The following KIAA1217 variants were observed in gnomAD, a reference collection of about 807,000 sequenced individuals.
KIAA1217 encodes KIAA1217.
A neutral mutation model predicts 163.9 loss-of-function variants in KIAA1217; 88 were observed. The observed-to-expected ratio is 0.54, with a 90% CI of 0.45 to 0.64. KIAA1217 has a LOEUF of 0.64. Ranked by LOEUF, KIAA1217 falls within the 30% of genes least tolerant of loss-of-function variation. The pLI, the probability that KIAA1217 is intolerant of heterozygous loss-of-function variation, is 0.00. For missense variants in KIAA1217, 2,372 were observed against 2,475.0 expected (o/e 0.96, Z 0.88); for synonymous variants, 903 against 923.1 (o/e 0.98, Z 0.39).
chr10:24,133,203 G>C (rs144525652), intron 2 of KIAA1217, among the ~76,000 whole-genome samples: 1 of 152,228 alleles, frequency 6.6e-6, no homozygotes, highest in Non-Finnish European at 1.5e-5. Context: ...GAGAATCTCT[G>C]AGGAACCCGC....
intron 2 of KIAA1217, among the ~76,000 whole-genome samples, chr10:24,018,179 TCACCAAA>T (rs1381310020): frequency 4.6e-5 from 7 of 151,476 alleles, no homozygotes; most frequent in Non-Finnish European, 1.0e-4. Flanking sequence ...AAACAAAAAG[TCACCAAA>T]CACAAAAAAG....
chr10:23,797,634 G>A (rs759487451), intron 1 of KIAA1217, among the ~76,000 whole-genome samples: 53 of 152,038 alleles, frequency 3.5e-4, no homozygotes, highest in Non-Finnish European at 4.3e-4. Flanking sequence ...GTTTTCACAG[G>A]GCAACAGGAG....
intron 1 of KIAA1217, among the ~76,000 whole-genome samples, chr10:23,790,552 CATATGTACATATGT>C (rs1835846545): frequency 2.9e-5 from 3 of 102,062 alleles, no homozygotes; most frequent in African/African-American, 1.7e-4. Flanking sequence ...TGCATATATA[CATATGTACATATGT>C]ATATATACAT....
rs184415872 is a variant in KIAA1217 at position 23,995,488 on chromosome 10, G to A, written c.-320-11737G>A. Among the ~76,000 whole-genome samples, 9 of 151,718 alleles carry A rather than the reference G, an allele frequency of 5.9e-5. No homozygotes were observed. The East Asian group carries it at 1.6e-3, about 26-fold the overall frequency. The stretch of plus-strand genomic sequence containing the variant: ...TGTGTGTGTGTGTGTGTGTGAGTGT[G>A]TGTGTTGTGTCTATATATAACGAAA... On this transcript the variant is annotated intron_variant, in intron 1 of 18. Coordinates refer to the KIAA1217 transcript ENST00000376462.
intron 1 of KIAA1217, among the ~76,000 whole-genome samples, chr10:23,775,884 A>G (rs1834988683): frequency 6.6e-6 from 1 of 152,088 alleles, no homozygotes; most frequent in Non-Finnish European, 1.5e-5. Flanking sequence ...TTTCTATTTT[A>G]TACATTCTTA....
intron 2 of KIAA1217, among the ~76,000 whole-genome samples, chr10:24,101,447 A>G (rs541435522): frequency 1.6e-3 from 251 of 152,300 alleles, no homozygotes; most frequent in Non-Finnish European, 3.0e-3. Context: ...ACCAGCAAGG[A>G]CATCCATTCC....
chr10:24,160,437 T>A (rs1325588198), intron 2 of KIAA1217, among the ~76,000 whole-genome samples: 2 of 152,194 alleles, frequency 1.3e-5, no homozygotes, highest in Admixed American at 1.3e-4. Flanking sequence ...ATAGTACACA[T>A]CTTTTGTGAA....
intron 5 of KIAA1217, among the ~76,000 whole-genome samples, chr10:24,440,186 A>G (rs1168184835): frequency 2.0e-5 from 3 of 152,224 alleles, no homozygotes; most frequent in Admixed American, 6.5e-5. Flanking sequence ...CAGAAATTCT[A>G]GGATTTTCAG....
intron 2 of KIAA1217, among the ~76,000 whole-genome samples, chr10:24,357,929 G>A (rs1283930874): frequency 6.6e-6 from 1 of 152,172 alleles, no homozygotes; most frequent in Non-Finnish European, 1.5e-5. Context: ...TGTGAAGTGT[G>A]CAGGCTTGCT....
intron 2 of KIAA1217, among the ~76,000 whole-genome samples, chr10:24,363,742 T>C (rs2050355478): frequency 6.6e-6 from 1 of 151,984 alleles, no homozygotes; most frequent in African/African-American, 2.4e-5. Flanking sequence ...CAGCTAATTT[T>C]TGTATTTTTT....
At chr10:24,019,249 T>A (rs75647857) in intron 2 of KIAA1217, among the ~76,000 whole-genome samples, 1,935 of 152,182 alleles carry the variant, frequency 0.013, 36 homozygotes, top group African/African-American at 0.044. Context: ...TATGTTAATT[T>A]GCTTGATTTA....
Position 24,524,630 on chromosome 10 carries a change from G to A in KIAA1217, c.2764G>A (p.Glu922Lys). ...GGCCAGCTCCCCAGCCGTCCCCCAGGAAGCAACCTCCACTCTGCAGATGTC... is the reference window on the plus strand; with the variant it reads ...GGCCAGCTCCCCAGCCGTCCCCCAGAAAGCAACCTCCACTCTGCAGATGTC... Reference protein sequence around the residue: ...HVASSPAVPQEATSTLQMSQA... With the variant: ...HVASSPAVPQKATSTLQMSQA... The change falls in exon 13 of 21, where the codon GAA becomes AAA. Residue 922 changes from glutamate to lysine, a missense_variant. Glu to Lys is a moderately conservative substitution (Grantham distance 56). Transcript: ENST00000376454. The A allele has an allele frequency of 6.2e-7, 1 of 1,614,114 alleles. No individual in the cohort carries two copies. The highest frequency in any genetic ancestry group is 8.5e-7 in the Non-Finnish European group (1 of 1,180,032).
intron 1 of KIAA1217, among the ~76,000 whole-genome samples, chr10:23,918,733 T>TATATACACACACACACAC (rs769797460): frequency 8.8e-4 from 130 of 147,576 alleles, no homozygotes; most frequent in African/African-American, 3.1e-3. Context: ...ATTAAATATA[T>TATATACACACACACACAC]ACACACACAC....
intron 1 of KIAA1217, among the ~76,000 whole-genome samples, chr10:23,699,115 C>A (rs1836240451): frequency 6.6e-6 from 1 of 152,234 alleles, no homozygotes; most frequent in African/African-American, 2.4e-5. Context: ...GTCTCCCATG[C>A]CAACCCCCTA....
intron 1 of KIAA1217, among the ~76,000 whole-genome samples, chr10:23,965,899 A>G (rs961099788): frequency 6.6e-6 from 1 of 152,184 alleles, no homozygotes; most frequent in Non-Finnish European, 1.5e-5. Context: ...AACTTTCAGC[A>G]AGAGTGGGTA....
At chr10:24,354,147 AC>A (rs1315752249) in intron 2 of KIAA1217, among the ~76,000 whole-genome samples, 1 of 152,228 alleles carries the variant, frequency 6.6e-6, no homozygotes, top group East Asian at 1.9e-4. Context: ...TGTTTAAGTA[AC>A]ATCAAGTCAT....
chr10:24,257,791 G>A (rs1371543564), intron 2 of KIAA1217, among the ~76,000 whole-genome samples: 1 of 152,120 alleles, frequency 6.6e-6, no homozygotes, highest in Non-Finnish European at 1.5e-5. Context: ...GCTTGAGAAA[G>A]TGCAGAGGGA....
At chr10:24,200,289 C>T (rs1413515807) in intron 2 of KIAA1217, among the ~76,000 whole-genome samples, 2 of 151,474 alleles carry the variant, frequency 1.3e-5, no homozygotes, top group Non-Finnish European at 2.9e-5. Context: ...GCTCACTGCA[C>T]TCTCAAACTC....
At chr10:24,158,024 T>C (rs963043791) in intron 2 of KIAA1217, 4 of 767,198 alleles carry the variant, frequency 5.2e-6, no homozygotes, top group Non-Finnish European at 9.5e-6. Flanking sequence ...GGAAATGAGA[T>C]CACCTTTACT....
Sources: allele counts gnomAD v4.1 joint callset (sites outside exome capture counted in the v4.1 genomes callset), GRCh38; gene constraint gnomAD v4.1.1; transcripts MANE v1.5; gene names NCBI Gene and HGNC (gene_info 2026-07-23, HGNC 2026-07-21).